Variants in CDH4 observed in about 807,000 individuals in gnomAD.
CDH4 encodes the protein cadherin-4.
CDH4 carries 33 observed loss-of-function variants against 86.0 expected under a neutral mutation model. That is an observed-to-expected ratio of 0.38 (90% CI 0.29 to 0.51). CDH4 has a LOEUF of 0.51. CDH4 is among the 20% of genes least tolerant of loss of function. The pLI, the probability that CDH4 is intolerant of heterozygous loss-of-function variation, is 0.86. For missense variants in CDH4, 1,114 were observed against 1,307.4 expected, an observed-to-expected ratio of 0.85 and a Z score of 2.28; for synonymous variants, 555 against 549.4, an observed-to-expected ratio of 1.01 and a Z score of -0.14.
intron 2 of CDH4, among the ~76,000 whole-genome samples, chr20:61,487,591 TG>T (rs1445600330): frequency 6.6e-6 from 1 of 152,212 alleles, no homozygotes; most frequent in Admixed American, 6.5e-5. Flanking sequence ...TCTGATTCTC[TG>T]CTATTTCCCC....
intron 4 of CDH4, among the ~76,000 whole-genome samples, chr20:61,822,687 TCTG>T (rs1020432182): frequency 4.6e-5 from 7 of 152,134 alleles, no homozygotes; most frequent in African/African-American, 1.4e-4. Context: ...CATAAGTACT[TCTG>T]GGCTTCACTG....
At chr20:61,307,627 G>T (rs1367347450) in intron 2 of CDH4, among the ~76,000 whole-genome samples, 1 of 152,270 alleles carries the variant, frequency 6.6e-6, no homozygotes, top group African/African-American at 2.4e-5. Context: ...GGAATCTGTA[G>T]CTACTGGCTT....
At chr20:61,841,052 G>A (rs1305398866) in intron 4 of CDH4, among the ~76,000 whole-genome samples, 5 of 152,174 alleles carry the variant, frequency 3.3e-5, no homozygotes, top group Non-Finnish European at 2.9e-5. Context: ...TAGCAATAGC[G>A]CACAGTGAAT....
At chr20:61,824,801 A>G (rs1981233517) in intron 4 of CDH4, among the ~76,000 whole-genome samples, 2 of 152,184 alleles carry the variant, frequency 1.3e-5, no homozygotes, top group African/African-American at 2.4e-5. Context: ...ACTAAGTTGT[A>G]TAATAATACC....
chr20:61,377,054 A>G lies in CDH4; in HGVS notation c.169+122117A>G, dbSNP rs2084876514. Among the ~76,000 whole-genome samples, 3 of 152,176 alleles carry G rather than the reference A, an allele frequency of 2.0e-5. No individual in the cohort carries two copies. Among genetic ancestry groups the G allele is most frequent in the African/African-American group, 7.2e-5 (3 of 41,448 alleles). On this transcript the variant is annotated intron_variant, in intron 2 of 15. Transcript: ENST00000614565. The surrounding 1 kb of genome is among the most constrained non-coding windows in gnomAD (Gnocchi z 4.0). ...TAGGATGATCAAAATATGAACGTGC[A>G]CCCACCACCAACACGTGAGGGCGGC...
chr20:61,652,938 A>ATTTTTATTTTTTT (rs2087138479), intron 2 of CDH4, among the ~76,000 whole-genome samples: 32 of 97,366 alleles, frequency 3.3e-4, no homozygotes, highest in Admixed American at 5.3e-4. Flanking sequence ...TTATTTATTT[A>ATTTTTATTTTTTT]TTTTTTTTTT....
At chr20:61,376,942 C>A (rs2084876012) in intron 2 of CDH4, among the ~76,000 whole-genome samples, 1 of 152,168 alleles carries the variant, frequency 6.6e-6, no homozygotes, top group South Asian at 2.1e-4. Flanking sequence ...GGGCACAGTT[C>A]CTGAGTCAAA....
chr20:61,814,449 G>A (rs772128950), intron 4 of CDH4, among the ~76,000 whole-genome samples: 9 of 152,166 alleles, frequency 5.9e-5, no homozygotes, highest in Non-Finnish European at 1.0e-4. Context: ...GCGGCCGCTC[G>A]ACGACGATCC....
chr20:61,586,152 G>C (rs1197170257), intron 2 of CDH4, among the ~76,000 whole-genome samples: 1 of 151,820 alleles, frequency 6.6e-6, no homozygotes, highest in Admixed American at 6.6e-5. Context: ...GGTGATTGTG[G>C]TGATGGGGAA....
intron 2 of CDH4, among the ~76,000 whole-genome samples, chr20:61,634,442 C>T (rs1426655992): frequency 6.6e-6 from 1 of 152,200 alleles, no homozygotes; most frequent in Non-Finnish European, 1.5e-5. Flanking sequence ...ACCGGTGACC[C>T]TGACTTCCGC....
At chr20:61,541,819 CCT>C (rs1231355367) in intron 2 of CDH4, among the ~76,000 whole-genome samples, 1 of 152,096 alleles carries the variant, frequency 6.6e-6, no homozygotes, top group Non-Finnish European at 1.5e-5. Flanking sequence ...TGCCAGGATC[CCT>C]CTCTCTCCTG....
chr20:61,256,798 T>A (rs1377684529), intron 2 of CDH4, among the ~76,000 whole-genome samples: 1 of 152,262 alleles, frequency 6.6e-6, no homozygotes, highest in Non-Finnish European at 1.5e-5. Context: ...CTCTAGGGGC[T>A]GTAGTCGCAT....
intron 2 of CDH4, among the ~76,000 whole-genome samples, chr20:61,642,507 AG>A (rs2087021023): frequency 6.6e-6 from 1 of 152,240 alleles, no homozygotes; most frequent in African/African-American, 2.4e-5. Context: ...TTGTATCTGC[AG>A]GCGAGAACTT....
At chr20:61,561,893 G>A (rs1242847968) in intron 2 of CDH4, among the ~76,000 whole-genome samples, 1 of 152,280 alleles carries the variant, frequency 6.6e-6, no homozygotes, top group Non-Finnish European at 1.5e-5. Flanking sequence ...GTGGCTGCAT[G>A]CGCCATGTTT....
Position 61,517,471 on chromosome 20 carries a change from A to G in CDH4, c.170-226092A>G, listed in dbSNP as rs1758267865. 6.6e-6 allele frequency among the ~76,000 whole-genome samples: 1 copy of G among 152,190 alleles called. No individual in the cohort carries two copies. The highest frequency in any genetic ancestry group is 1.5e-5 in the Non-Finnish European group (1 of 68,038). The stretch of plus-strand genomic sequence containing the variant: ...TGGCCTCCCAAAGTGCTGGGATTGC[A>G]GGTATGAGCCACCATGCCTGGCCTA... On this transcript the variant is annotated intron_variant, in intron 2 of 15. Transcript: ENST00000614565. The surrounding 1 kb of genome is among the most constrained non-coding windows in gnomAD (Gnocchi z 6.6).
intron 9 of CDH4, among the ~76,000 whole-genome samples, chr20:61,919,149 G>T (rs946097541): frequency 6.6e-6 from 1 of 152,184 alleles, no homozygotes; most frequent in Non-Finnish European, 1.5e-5. Context: ...GGGATTACAG[G>T]CATGAGCCAC....
intron 2 of CDH4, among the ~76,000 whole-genome samples, chr20:61,706,371 C>T (rs904224034): frequency 7.9e-5 from 12 of 152,094 alleles, no homozygotes; most frequent in East Asian, 5.8e-4. Flanking sequence ...CCCGAGGCAC[C>T]GACAACTGAC....
intron 4 of CDH4, among the ~76,000 whole-genome samples, chr20:61,777,215 C>T (rs951655262): frequency 1.3e-5 from 2 of 152,152 alleles, no homozygotes; most frequent in Non-Finnish European, 2.9e-5. Flanking sequence ...TGTAAACAGC[C>T]CTTGGCATGC....
chr20:61,852,961 T>G, intron 6 of CDH4, 63 bp downstream of exon 6: 1 of 1,550,876 alleles, frequency 6.4e-7, no homozygotes, highest in Non-Finnish European at 8.8e-7. Context: ...GCACAGGCCC[T>G]GAGGGCAGGG....
Sources: gnomAD v4.1 joint callset for allele counts (sites outside exome capture counted in the v4.1 genomes callset) on GRCh38, gnomAD v4.1.1 for gene constraint, Gnocchi (gnomAD v3.1) non-coding constraint, MANE v1.5 for transcripts, NCBI Gene and HGNC (gene_info 2026-07-23, HGNC 2026-07-21) for gene names.